Variants in FHIT observed in about 807,000 individuals in gnomAD.
FHIT encodes fragile histidine triad diadenosine triphosphatase.
Under a neutral mutation model 17.9 loss-of-function variants are expected in FHIT, and 19 were observed. That is an observed-to-expected ratio of 1.06 (90% CI 0.74 to 1.56). The LOEUF (loss-of-function observed/expected upper bound fraction) is 1.56, where lower values mean the gene tolerates loss of function less well. FHIT is among the 40% of genes most tolerant of loss of function. FHIT has a pLI of 0.00. For synonymous variants in FHIT, 81 were observed against 69.7 expected, an observed-to-expected ratio of 1.16 and a Z score of -0.81; for missense variants, 248 against 189.2, an observed-to-expected ratio of 1.31 and a Z score of -1.82.
chr3:60,060,854 T>A (rs186251263), intron 5 of FHIT, among the ~76,000 whole-genome samples: 8 of 152,320 alleles, frequency 5.3e-5, no homozygotes, highest in African/African-American at 1.9e-4. Context: ...CTTGGAAAAA[T>A]GCACTGTAGC....
chr3:60,167,907 C>A, intron 5 of FHIT, among the ~76,000 whole-genome samples: 1 of 152,024 alleles, frequency 6.6e-6, no homozygotes. Flanking sequence ...TGGTATGCGC[C>A]TGTAGTCCCA....
At chr3:59,822,471 T>A (rs1417700646) in intron 8 of FHIT, among the ~76,000 whole-genome samples, 4 of 151,426 alleles carry the variant, frequency 2.6e-5, no homozygotes, top group Non-Finnish European at 4.4e-5. Flanking sequence ...TACTTTCTGA[T>A]TTTTTTTTAT....
intron 8 of FHIT, among the ~76,000 whole-genome samples, chr3:59,760,539 T>C (rs1701458290): frequency 6.7e-6 from 1 of 149,664 alleles, no homozygotes; most frequent in South Asian, 2.2e-4. Flanking sequence ...TTCAGGTTTG[T>C]TGGAGTACGC....
intron 5 of FHIT, among the ~76,000 whole-genome samples, chr3:60,230,454 G>T (rs1156822257): frequency 6.6e-6 from 1 of 152,028 alleles, no homozygotes; most frequent in Non-Finnish European, 1.5e-5. Flanking sequence ...TGATCATATT[G>T]CTCTGGTGTA....
chr3:60,617,965 T>C, intron 4 of FHIT: 1 of 269,428 alleles, frequency 3.7e-6, no homozygotes, highest in Non-Finnish European at 7.6e-6. Flanking sequence ...ATAAGTACTT[T>C]ATAAAGTCAA....
intron 3 of FHIT, among the ~76,000 whole-genome samples, chr3:60,972,673 T>C (rs180925321): frequency 6.6e-6 from 1 of 152,218 alleles, no homozygotes; most frequent in African/African-American, 2.4e-5. Flanking sequence ...TTCCCTGAAA[T>C]CTCCTCTTGG....
rs538858042 is a variant in FHIT at position 59,754,962 on chromosome 3, G to A, written c.349-2641C>T. On this transcript the variant is annotated intron_variant, in intron 8 of 9. Transcript: ENST00000492590. ...CTTTAAAAAATAAAACCCACCCCAG[G>A]GATTCTGATTTAATTGGTCTGGGGC... is the stretch of plus-strand genomic sequence containing the variant. Among the ~76,000 whole-genome samples the A allele has an allele frequency of 7.3e-5, 9 of 123,522 alleles. No individual in the cohort carries two copies. In the South Asian group the frequency reaches 3.2e-3, roughly 43 times the overall value. The allele number at this position is 123,522 out of a possible 152,430, so 81.0% of individuals were successfully genotyped here.
chr3:61,250,390 T>C (rs925163133), intron 1 of FHIT, among the ~76,000 whole-genome samples: 21 of 152,230 alleles, frequency 1.4e-4, no homozygotes, highest in Non-Finnish European at 2.9e-4. Context: ...GTATTTTCTA[T>C]TGGTCCCAGC....
At chr3:61,060,913 C>T (rs1293547493) in intron 2 of FHIT, among the ~76,000 whole-genome samples, 1 of 152,190 alleles carries the variant, frequency 6.6e-6, no homozygotes, top group Non-Finnish European at 1.5e-5. Context: ...TCAAGTTACC[C>T]TGGTTTCCTA....
chr3:60,892,480 ATGTATATTAGAG>A (rs1477120960), intron 3 of FHIT, among the ~76,000 whole-genome samples: 7 of 152,242 alleles, frequency 4.6e-5, no homozygotes, highest in East Asian at 1.9e-4. Context: ...GTCTTTTGTA[ATGTATATTAGAG>A]TGTATATTAG....
At chr3:60,966,328 A>G (rs144930000) in intron 3 of FHIT, among the ~76,000 whole-genome samples, 1 of 152,254 alleles carries the variant, frequency 6.6e-6, no homozygotes, top group East Asian at 1.9e-4. Context: ...TTTTCCAGGT[A>G]CCGTCTCTCA....
intron 3 of FHIT, among the ~76,000 whole-genome samples, chr3:60,919,749 G>A (rs1194379431): frequency 3.3e-5 from 5 of 152,242 alleles, no homozygotes; most frequent in Admixed American, 6.5e-5. Context: ...GAATAAGAGT[G>A]CATAGGCCAG....
At chr3:59,932,812 G>T (rs971247695) in intron 7 of FHIT, among the ~76,000 whole-genome samples, 7 of 152,172 alleles carry the variant, frequency 4.6e-5, no homozygotes, top group African/African-American at 1.4e-4. Flanking sequence ...TGAATTAAAG[G>T]AAAGAATAAG....
intron 3 of FHIT, among the ~76,000 whole-genome samples, chr3:60,960,861 T>C (rs925984200): frequency 6.6e-6 from 1 of 152,240 alleles, no homozygotes; most frequent in African/African-American, 2.4e-5. Flanking sequence ...GTTCCAAGTC[T>C]TTGCTATTGT....
At chr3:60,189,783 G>T (rs1163423463) in intron 5 of FHIT, among the ~76,000 whole-genome samples, 3 of 152,136 alleles carry the variant, frequency 2.0e-5, no homozygotes, top group Non-Finnish European at 4.4e-5. Context: ...CTTTGCTAAG[G>T]ACTGAAAAAG....
At chr3:59,926,739 T>G (rs1705680319) in intron 7 of FHIT, among the ~76,000 whole-genome samples, 1 of 152,196 alleles carries the variant, frequency 6.6e-6, no homozygotes, top group Non-Finnish European at 1.5e-5. Flanking sequence ...CTCCACATTA[T>G]TAGTCATTAG....
intron 5 of FHIT, among the ~76,000 whole-genome samples, chr3:60,024,012 A>T (rs889692479): frequency 4.6e-5 from 7 of 151,940 alleles, no homozygotes; most frequent in Non-Finnish European, 8.8e-5. Context: ...AGAATTATGA[A>T]TTCCTAATAC....
chr3:59,807,419 A>G (rs1266304388), intron 8 of FHIT, among the ~76,000 whole-genome samples: 3 of 152,148 alleles, frequency 2.0e-5, no homozygotes. Context: ...TAAGGTCCAG[A>G]GCTATGTGGT....
rs377174153 is a variant in FHIT, at chr3:59,991,437, C to T, written c.279+19934G>A. On this transcript the variant is annotated intron_variant, in intron 7 of 9. Transcript: ENST00000492590. The stretch of plus-strand genomic sequence containing the variant: ...AGACATCTAGTTCTACTGGGTTCCA[C>T]AGCACTTCTTTAGCCAGTGGGGTCT... Among the ~76,000 whole-genome samples the T allele has an allele frequency of 4.2e-4, 64 of 152,204 alleles. No homozygotes were observed. The Middle Eastern group carries it at 0.014, about 32-fold the overall frequency.
Sources: gnomAD v4.1 joint callset for allele counts (sites outside exome capture counted in the v4.1 genomes callset) on GRCh38, gnomAD v4.1.1 for gene constraint, MANE v1.5 for transcripts, NCBI Gene and HGNC (gene_info 2026-07-23, HGNC 2026-07-21) for gene names.